The following SEMA4D variants were observed in gnomAD, a reference collection of about 807,000 sequenced individuals.
SEMA4D encodes the protein semaphorin 4D, also known as semaphorin-4D.
In SEMA4D, 22 loss-of-function variants were observed where a neutral mutation model predicts 74.8. That is an observed-to-expected ratio of 0.29 (90% confidence interval 0.21 to 0.42). The LOEUF (loss-of-function observed/expected upper bound fraction) is 0.42. Ranked by LOEUF, SEMA4D falls within the 10% of genes least tolerant of loss-of-function variation. The pLI, the probability that SEMA4D is intolerant of heterozygous loss-of-function variation, is 1.00. For synonymous variants in SEMA4D, 445 were observed against 463.7 expected, an observed-to-expected ratio of 0.96 and a Z score of 0.52; for missense variants, 937 against 1,118.4, an observed-to-expected ratio of 0.84 and a Z score of 2.31.
intron 1 of SEMA4D, among the ~76,000 whole-genome samples, chr9:89,490,530 A>G (rs991772536): frequency 6.6e-6 from 1 of 151,918 alleles, no homozygotes; most frequent in African/African-American, 2.4e-5. Context: ...TATATTCAAC[A>G]CTTTATTATA....
At chr9:89,448,704 T>A (rs756932607) in intron 2 of SEMA4D, among the ~76,000 whole-genome samples, 1 of 152,238 alleles carries the variant, frequency 6.6e-6, no homozygotes, top group Non-Finnish European at 1.5e-5. Flanking sequence ...CGGGCTTCAC[T>A]GGCGGGCATG....
At chr9:89,485,939 T>C (rs1354499244) in intron 1 of SEMA4D, among the ~76,000 whole-genome samples, 1 of 151,758 alleles carries the variant, frequency 6.6e-6, no homozygotes, top group Non-Finnish European at 1.5e-5. Context: ...GCTTCAAGAA[T>C]AACATTCTTA....
chr9:89,372,445 C>A (rs945772392), downstream of SEMA4D, among the ~76,000 whole-genome samples: 1 of 151,584 alleles, frequency 6.6e-6, no homozygotes, highest in Non-Finnish European at 1.5e-5. Context: ...CCGTCCTTCA[C>A]GGCTGGTACC....
At chr9:89,457,103 C>T (rs541780136) in intron 1 of SEMA4D, among the ~76,000 whole-genome samples, 81 of 152,262 alleles carry the variant, frequency 5.3e-4, no homozygotes, top group Non-Finnish European at 8.8e-4. Context: ...ATGTCATTAA[C>T]GATGAAAGAA....
intron 1 of SEMA4D, among the ~76,000 whole-genome samples, chr9:89,474,796 G>A (rs576907454): frequency 6.6e-6 from 1 of 152,314 alleles, no homozygotes; most frequent in South Asian, 2.1e-4. Flanking sequence ...TCCTGGCCAA[G>A]CCTTTCCGTA....
chr9:89,449,549 G>A (rs1277253043), intron 2 of SEMA4D: 2 of 779,302 alleles, frequency 2.6e-6, no homozygotes, highest in Non-Finnish European at 4.7e-6. Context: ...CAGTGGTGGT[G>A]GCAGGAAGAT....
intron 2 of SEMA4D, among the ~76,000 whole-genome samples, chr9:89,444,703 C>G (rs1004959206): frequency 2.0e-5 from 3 of 151,892 alleles, no homozygotes; most frequent in African/African-American, 7.3e-5. Flanking sequence ...CAAGAAAACT[C>G]CTGCCAGAAA....
At position 89,379,181 on chromosome 9, in the gene SEMA4D, G is replaced by C; in HGVS notation, c.2112C>G (p.Thr704=). 1 of 1,614,188 alleles carries C rather than the reference G, an allele frequency of 6.2e-7. No individual in the cohort carries two copies. The highest frequency in any genetic ancestry group is 8.5e-7 in the Non-Finnish European group (1 of 1,180,026). The change falls in exon 16 of 16, where the codon ACC becomes ACG. Residue 704 remains threonine, a synonymous_variant. Transcript: ENST00000422704. ...AITLPPKPAP[T]GTSCEPKIVI... ...CGATCTTTGGTTCGCAGGATGTGCC[G>C]GTGGGCGCAGGCTTGGGAGGAAGGG... is the stretch of plus-strand genomic sequence containing the variant.
chr9:89,392,340 C>T, intron 8 of SEMA4D, 83 bp downstream of exon 8: 1 of 1,130,824 alleles, frequency 8.8e-7, no homozygotes, highest in Non-Finnish European at 1.3e-6. Context: ...CCCCAGGGCT[C>T]AGAGACAGAA....
In SEMA4D at chr9:89,461,015, C is replaced by T. The variant is rs563150428; in HGVS notation, c.-309-5062G>A. 7.9e-5 allele frequency among the ~76,000 whole-genome samples: 12 copies of T among 152,256 alleles called. No homozygotes were observed. The South Asian group carries it at 1.2e-3, about 16-fold the overall frequency. ...TATCACCTAATCCTACAGTCATGCT[C>T]GGGGGCTCTGCTGGGCCCCTCAGCA... On this transcript the variant is annotated intron_variant, in intron 1 of 15. Coordinates refer to ENST00000422704, the MANE Select transcript of SEMA4D (RefSeq NM_001371194.2).
chr9:89,371,976 GT>G (rs1167382900), intron 16 of SEMA4D, among the ~76,000 whole-genome samples: 7 of 118,050 alleles, frequency 5.9e-5, no homozygotes, highest in African/African-American at 1.0e-4. Context: ...GGGGTGTGGT[GT>G]GTGTCTGGGG....
intron 1 of SEMA4D, among the ~76,000 whole-genome samples, chr9:89,485,788 C>CAAAAAAAAA (rs56056536): frequency 2.6e-5 from 2 of 76,838 alleles, no homozygotes; most frequent in African/African-American, 4.9e-5. Flanking sequence ...AACTCCATCT[C>CAAAAAAAAA]AAAAAAAAAA....
At chr9:89,362,335 G>A in exon 19 of SEMA4D, 1 of 1,613,820 alleles carries the variant, frequency 6.2e-7, no homozygotes. Flanking sequence ...CTCCGGGGGT[G>A]GCTGTGGTCA....
intron 1 of SEMA4D, among the ~76,000 whole-genome samples, chr9:89,471,763 CAGGTGCATATAGGTTG>C (rs1252843506): frequency 2.1e-5 from 3 of 144,202 alleles, no homozygotes; most frequent in Non-Finnish European, 4.6e-5. Context: ...CATGCCAACT[CAGGTGCATATAGGTTG>C]AGGTGCAAGC....
intron 2 of SEMA4D, among the ~76,000 whole-genome samples, chr9:89,419,955 T>C (rs1846552336): frequency 6.6e-6 from 1 of 152,156 alleles, no homozygotes; most frequent in Non-Finnish European, 1.5e-5. Context: ...TTCTATTTTT[T>C]AGAAATGAAA....
chr9:89,458,508 CA>C (rs778634440), intron 1 of SEMA4D, among the ~76,000 whole-genome samples: 5 of 152,058 alleles, frequency 3.3e-5, no homozygotes, highest in South Asian at 2.1e-4. Flanking sequence ...ACACATGCCA[CA>C]AACATGCATC....
intron 2 of SEMA4D, among the ~76,000 whole-genome samples, chr9:89,433,008 C>A (rs1473324242): frequency 1.3e-5 from 2 of 152,182 alleles, no homozygotes; most frequent in African/African-American, 2.4e-5. Context: ...CTGAAGGGGA[C>A]CTCTGTTACC....
At chr9:89,377,012 G>A, downstream of SEMA4D, 6 of 1,544,170 alleles carry the variant, frequency 3.9e-6, no homozygotes, top group Non-Finnish European at 5.3e-6. Context: ...ACAGGACAGG[G>A]AAGAGGAGCC....
chr9:89,434,235 C>T (rs11265890), intron 2 of SEMA4D, among the ~76,000 whole-genome samples: 40,383 of 151,994 alleles, frequency 0.27, 5,918 homozygotes, highest in African/African-American at 0.36. Context: ...ATGCATGCTG[C>T]CCCCATCCAG....
Sources: allele counts gnomAD v4.1 joint callset (sites outside exome capture counted in the v4.1 genomes callset), GRCh38; gene constraint gnomAD v4.1.1; transcripts MANE v1.5; gene names NCBI Gene and HGNC (gene_info 2026-07-23, HGNC 2026-07-21).